The following HMGN5 variants were observed in gnomAD, a reference collection of about 807,000 sequenced individuals.
The protein encoded by HMGN5 is high mobility group nucleosome binding domain 5.
In HMGN5, 4 loss-of-function variants were observed where a neutral mutation model predicts 9.5. The observed-to-expected ratio is 0.42, with a 90% CI of 0.21 to 0.96. The LOEUF is 0.96. Among genes scored for constraint, HMGN5 ranks in the 40% least tolerant of loss-of-function variants. The probability of loss-of-function intolerance (pLI) is 0.30; values close to 1 mark genes in which losing one functional copy is unlikely to be tolerated. For missense variants in HMGN5, 192 were observed against 187.5 expected (o/e 1.02, Z -0.14); for synonymous variants, 55 against 57.1 (o/e 0.96, Z 0.16).
At chrX:81,174,337 T>A (rs1171841914) in intron 1 of HMGN5, among the ~76,000 whole-genome samples, 1 of 111,490 alleles carries the variant, frequency 9.0e-6, no homozygotes, top group East Asian at 2.8e-4. Flanking sequence ...AAGGGTAGAA[T>A]AACACTAGTA....
At chrX:81,150,745 A>G (rs1379344943) in intron 1 of HMGN5, among the ~76,000 whole-genome samples, 8 of 112,029 alleles carry the variant, frequency 7.1e-5, no homozygotes, top group African/African-American at 2.6e-4. Context: ...ACTAACTGAA[A>G]AAAAGAGAGA....
At chrX:81,187,901 C>T (rs1361079293) in intron 1 of HMGN5, among the ~76,000 whole-genome samples, 3 of 110,871 alleles carry the variant, frequency 2.7e-5, no homozygotes, top group Non-Finnish European at 5.7e-5. Context: ...AGGCTTACAA[C>T]CTTACAAGAG....
chrX:81,125,696 T>C (rs999975668), intron 1 of HMGN5, among the ~76,000 whole-genome samples: 1 of 112,087 alleles, frequency 8.9e-6, no homozygotes, highest in African/African-American at 3.2e-5. Flanking sequence ...CTACCGACTT[T>C]TAAAGTAACA....
Position 81,114,891 on chromosome X carries a change from TTC to T in HMGN5, c.605_606del (p.Arg202LysfsTer10), listed in dbSNP as rs1272418220. ...TTCTCTTTTCCATCTCCTGTTTCTT[TTC>T]TGTCTTCTTCCTCTTTTTCATCTTC... ...KGEDEKEEED[R>X]KETGDGKENE... On this transcript the variant is annotated frameshift_variant, in exon 7 of 7. Transcript: ENST00000358130. LOFTEE classifies it low-confidence loss of function (END_TRUNC). The T allele has an allele frequency of 2.6e-6, 3 of 1,161,291 alleles. No individual in the cohort carries two copies. The highest frequency in any genetic ancestry group is 3.4e-6 in the Non-Finnish European group (3 of 871,643).
chrX:81,182,234 T>G (rs775423644), intron 1 of HMGN5, among the ~76,000 whole-genome samples: 12 of 112,402 alleles, frequency 1.1e-4, no homozygotes, highest in African/African-American at 3.9e-4. Context: ...TGTTTATCAT[T>G]TTTATGTCTT....
intron 1 of HMGN5, among the ~76,000 whole-genome samples, chrX:81,132,538 A>G (rs2075300235): frequency 9.0e-6 from 1 of 111,219 alleles, no homozygotes; most frequent in East Asian, 2.8e-4. Flanking sequence ...CAGAAATAAG[A>G]CTGCACAACT....
At position 81,152,986 on chromosome X, in the gene HMGN5, G is replaced by A. The variant is rs774537391; in HGVS notation, c.-123-31314C>T. ...CAGGAAGGGTAACATCACACTCTGGGGACTGTTGTGGGGTGGGGGGAGGGG... is the reference window on the plus strand; with the variant it reads ...CAGGAAGGGTAACATCACACTCTGGAGACTGTTGTGGGGTGGGGGGAGGGG... On this transcript the variant is annotated intron_variant, in intron 1 of 6. Coordinates refer to ENST00000358130, the MANE Select transcript of HMGN5 (RefSeq NM_030763.3). 3.9e-5 allele frequency among the ~76,000 whole-genome samples: 3 copies of A among 77,077 alleles called. No individual in the cohort carries two copies. In the South Asian group the frequency reaches 3.3e-3, roughly 84 times the overall value. The allele number at this position is 77,077 out of a possible 115,157, so 66.9% of individuals were successfully genotyped here. A position where few individuals can be genotyped will look rare whatever the true frequency, so the allele number is the denominator to read the frequency against.
At chrX:81,158,212 A>G (rs1321347987) in intron 1 of HMGN5, among the ~76,000 whole-genome samples, 4 of 112,313 alleles carry the variant, frequency 3.6e-5, no homozygotes, top group African/African-American at 1.3e-4. Context: ...TTGCTTAGTT[A>G]CCTTCCAGTG....
chrX:81,186,822 A>T (rs371562808), intron 1 of HMGN5, among the ~76,000 whole-genome samples: 2 of 111,232 alleles, frequency 1.8e-5, no homozygotes, highest in African/African-American at 6.5e-5. Context: ...GTATTTTTTT[A>T]TGTAGCACTT....
At chrX:81,121,698 A>G in intron 1 of HMGN5, 26 bp from the exon 2 acceptor site, 1 of 402,809 alleles carries the variant, frequency 2.5e-6, no homozygotes, top group Non-Finnish European at 4.3e-6. Context: ...ATCCCTCGTT[A>G]TTGGCAACAT....
At chrX:81,143,369 G>T (rs980184877) in intron 1 of HMGN5, among the ~76,000 whole-genome samples, 1 of 111,946 alleles carries the variant, frequency 8.9e-6, no homozygotes, top group African/African-American at 3.2e-5. Flanking sequence ...AGAACCAGGG[G>T]ACTTGCTGGC....
intron 1 of HMGN5, among the ~76,000 whole-genome samples, chrX:81,180,394 T>C (rs746755324): frequency 8.9e-6 from 1 of 111,918 alleles, no homozygotes; most frequent in African/African-American, 3.2e-5. Context: ...GCAAAGGATA[T>C]GAACAGGCAC....
chrX:81,192,169 T>A (rs2075496056), intron 1 of HMGN5, among the ~76,000 whole-genome samples: 1 of 111,524 alleles, frequency 9.0e-6, no homozygotes, highest in South Asian at 3.8e-4. Context: ...CCTTTTTATA[T>A]ACTACTGGAT....
intron 1 of HMGN5, among the ~76,000 whole-genome samples, chrX:81,155,090 T>C (rs1300275838): frequency 3.2e-5 from 3 of 94,419 alleles, no homozygotes; most frequent in Non-Finnish European, 6.3e-5. Flanking sequence ...TATATATATA[T>C]ATATATATAT....
chrX:81,153,260 TA>T (rs2075370046), intron 1 of HMGN5, among the ~76,000 whole-genome samples: 1 of 107,932 alleles, frequency 9.3e-6, no homozygotes, highest in South Asian at 4.1e-4. Context: ...AATAATACAC[TA>T]AAAAGATCAG....
chrX:81,183,083 T>C (rs763074894), intron 1 of HMGN5, among the ~76,000 whole-genome samples: 78 of 111,971 alleles, frequency 7.0e-4, no homozygotes, highest in African/African-American at 2.4e-3. Context: ...TTAGGGTATC[T>C]GATGGAAGAA....
At chrX:81,151,297 A>G (rs1174492772) in intron 1 of HMGN5, among the ~76,000 whole-genome samples, 2 of 111,552 alleles carry the variant, frequency 1.8e-5, no homozygotes, top group African/African-American at 3.3e-5. Flanking sequence ...GTTCTGTTCC[A>G]TTGATCTATA....
chrX:81,135,526 T>C (rs777597480), intron 1 of HMGN5, among the ~76,000 whole-genome samples: 1 of 111,547 alleles, frequency 9.0e-6, no homozygotes, highest in Non-Finnish European at 1.9e-5. Context: ...AGGAATAAGA[T>C]AGTGATACAT....
chrX:81,116,401 A>G, intron 5 of HMGN5, 60 bp from the exon 6 acceptor site: 1 of 799,511 alleles, frequency 1.3e-6, no homozygotes, highest in Non-Finnish European at 1.8e-6. Context: ...TGTTGATTAA[A>G]TGGTCACAAT....
Sources: allele counts gnomAD v4.1 joint callset (sites outside exome capture counted in the v4.1 genomes callset), GRCh38; gene constraint gnomAD v4.1.1; transcripts MANE v1.5; gene names NCBI Gene and HGNC (gene_info 2026-07-23, HGNC 2026-07-21).